Variants in SCAPER observed in about 807,000 individuals in gnomAD.
SCAPER encodes S phase cyclin A-associated protein in the endoplasmic reticulum.
A neutral mutation model predicts 182.2 loss-of-function variants in SCAPER; 98 were observed. The ratio of observed to expected loss-of-function variants is 0.54; its 90% CI spans 0.46 to 0.64. The LOEUF is 0.64. SCAPER is among the 30% of genes least tolerant of loss of function. The pLI, the probability that SCAPER is intolerant of heterozygous loss-of-function variation, is 0.00. For synonymous variants in SCAPER, 605 were observed against 564.6 expected (o/e 1.07, Z -1.01); for missense variants, 1,432 against 1,690.0 (o/e 0.85, Z 2.68).
intron 23 of SCAPER, among the ~76,000 whole-genome samples, chr15:76,549,952 GACAA>G (rs1052213840): frequency 2.6e-5 from 4 of 152,016 alleles, no homozygotes; most frequent in Non-Finnish European, 2.9e-5. Flanking sequence ...AGCAAAATCA[GACAA>G]ACAGACATCA....
intron 23 of SCAPER, among the ~76,000 whole-genome samples, chr15:76,546,927 C>G (rs941393062): frequency 6.6e-6 from 1 of 152,176 alleles, no homozygotes; most frequent in Non-Finnish European, 1.5e-5. Context: ...ACAAACTTAT[C>G]CCCTTCCTTT....
In SCAPER at chr15:76,733,215, T is replaced by C; in HGVS notation, c.2022+14A>G. On this transcript the variant is annotated intron_variant, in intron 16 of 31. Coordinates refer to ENST00000563290, the MANE Select transcript of SCAPER (RefSeq NM_020843.4). ...AGGTGCTCAAGCAATGTTTGCTGAA[T>C]AAAAAAATCCTACCTGCACAGCTTC... The C allele has an allele frequency of 6.4e-7, 1 of 1,554,050 alleles. No individual in the cohort carries two copies. Among genetic ancestry groups the C allele is most frequent in the Non-Finnish European group, 8.7e-7 (1 of 1,148,232 alleles).
intron 28 of SCAPER, chr15:76,380,045 A>G (rs899516450): frequency 3.3e-5 from 5 of 152,196 alleles, no homozygotes; most frequent in African/African-American, 1.2e-4. Context: ...AACAAAAGAA[A>G]TCACTCCCTT....
intron 28 of SCAPER, among the ~76,000 whole-genome samples, chr15:76,378,470 T>G (rs969106218): frequency 2.6e-5 from 4 of 152,260 alleles, no homozygotes; most frequent in African/African-American, 9.6e-5. Flanking sequence ...TGACCATAAC[T>G]ATCACAAAAA....
chr15:76,412,496 A>G (rs186016806), intron 26 of SCAPER, among the ~76,000 whole-genome samples: 4 of 152,208 alleles, frequency 2.6e-5, no homozygotes, highest in Non-Finnish European at 5.9e-5. Context: ...AAACTGCTCT[A>G]AAAAATAGTG....
At chr15:76,472,169 C>T (rs535288650) in intron 24 of SCAPER, 19 of 455,946 alleles carry the variant, frequency 4.2e-5, no homozygotes, top group Admixed American at 1.4e-4. Context: ...CAGAAAGATC[C>T]GTAAGGTTGT....
chr15:76,359,291 G>GGACT (rs1418570236), intron 29 of SCAPER, among the ~76,000 whole-genome samples: 3 of 152,092 alleles, frequency 2.0e-5, no homozygotes, highest in Non-Finnish European at 4.4e-5. Flanking sequence ...TGTCTTGCTG[G>GGACT]GACTCATCAG....
In SCAPER at chr15:76,804,645, A is replaced by C. The variant is rs7163694; in HGVS notation, c.394-12T>G. On this transcript the variant is annotated splice_polypyrimidine_tract_variant and intron_variant, in intron 5 of 31. Transcript: ENST00000563290. Reference sequence around the variant, plus strand: ...ATCATTAGCACCTCCTAAAAGAAACAAAACAAAAAAAAATTAAATTCCAGT... The same window carrying C: ...ATCATTAGCACCTCCTAAAAGAAACCAAACAAAAAAAAATTAAATTCCAGT... 1.0e-3 allele frequency: 1,576 copies of C among 1,538,588 alleles called. 12 individuals are homozygous for C. In the African/African-American group the frequency reaches 0.02, roughly 19 times the overall value.
At chr15:76,836,536 CT>C (rs1445941804) in intron 5 of SCAPER, among the ~76,000 whole-genome samples, 2 of 152,266 alleles carry the variant, frequency 1.3e-5, no homozygotes, top group East Asian at 3.9e-4. Context: ...AACTGGACCA[CT>C]TCCTTTCACC....
Position 76,765,394 on chromosome 15 carries a change from C to T in SCAPER, c.1556G>A (p.Arg519Lys), listed in dbSNP as rs1302999273. ...CATGTGAATTCCATGCCCTGGAGGT[C>T]TAGCAGGTTCTTCTTCTACAATGTC... ...WGDIVEEEPA[R>K]PPGHGIHMHE... is the part of the protein sequence containing the mutation. The change falls in exon 13 of 32, where the codon AGA becomes AAA. Residue 519 changes from arginine to lysine, a missense_variant. Transcript: ENST00000563290. 6.2e-7 allele frequency: 1 copy of T among 1,613,828 alleles called. No homozygotes were observed. The highest frequency in any genetic ancestry group is 2.2e-5 in the East Asian group (1 of 44,882).
At chr15:76,757,569 T>C (rs776752405) in intron 14 of SCAPER, among the ~76,000 whole-genome samples, 26 of 152,106 alleles carry the variant, frequency 1.7e-4, no homozygotes, top group Non-Finnish European at 3.4e-4. Flanking sequence ...ACAGTGAACA[T>C]GGGTGCACAG....
chr15:76,361,573 GAC>G (rs1397206507), intron 29 of SCAPER, among the ~76,000 whole-genome samples: 3 of 152,224 alleles, frequency 2.0e-5, no homozygotes, highest in African/African-American at 7.2e-5. Context: ...AATTAGAAAA[GAC>G]ACTGCTGGTT....
chr15:76,845,657 A>G (rs1286786796), intron 4 of SCAPER, among the ~76,000 whole-genome samples: 1 of 152,122 alleles, frequency 6.6e-6, no homozygotes, highest in Non-Finnish European at 1.5e-5. Flanking sequence ...GAAGTGAAAC[A>G]TCTCTACAAT....
chr15:76,431,120 T>C (rs1192112691), intron 26 of SCAPER, among the ~76,000 whole-genome samples: 4 of 152,212 alleles, frequency 2.6e-5, no homozygotes, highest in Non-Finnish European at 5.9e-5. Flanking sequence ...TCCCCAGCCA[T>C]GTGGAACCCT....
intron 23 of SCAPER, among the ~76,000 whole-genome samples, chr15:76,571,587 A>G (rs1874944): frequency 0.38 from 58,092 of 152,026 alleles, 13,099 homozygotes; most frequent in Middle Eastern, 0.52. Context: ...TTATCTAAAG[A>G]AACAGTGTGT....
At chr15:76,895,759 G>A (rs369680309) in intron 1 of SCAPER, among the ~76,000 whole-genome samples, 21 of 152,000 alleles carry the variant, frequency 1.4e-4, no homozygotes, top group East Asian at 5.8e-4. Flanking sequence ...AAACAATCCC[G>A]GCCAGGTGCA....
chr15:76,606,836 A>C (rs1184241293), intron 22 of SCAPER, among the ~76,000 whole-genome samples: 8 of 152,078 alleles, frequency 5.3e-5, no homozygotes, highest in African/African-American at 1.9e-4. Flanking sequence ...CTAGGATTGC[A>C]ACTCCTGCCT....
chr15:76,793,667 C>T (rs2065141268), intron 8 of SCAPER, among the ~76,000 whole-genome samples: 1 of 152,224 alleles, frequency 6.6e-6, no homozygotes, highest in Non-Finnish European at 1.5e-5. Context: ...CTAGGCATCT[C>T]TTCATCTGTA....
Position 76,838,925 on chromosome 15 carries a change from C to T in SCAPER, c.393+2809G>A, listed in dbSNP as rs985463408. On this transcript the variant is annotated intron_variant, in intron 5 of 31. Coordinates refer to ENST00000563290, the MANE Select transcript of SCAPER (RefSeq NM_020843.4). ...TTTGTGAGAACAAATGAGGAGATGG[C>T]CACCACTTCATTAAGCACACTCCAA... Among the ~76,000 whole-genome samples the T allele has an allele frequency of 1.4e-4, 22 of 152,164 alleles. 1 individual carries two copies. The highest frequency in any genetic ancestry group is 4.1e-4 in the South Asian group (2 of 4,824).
Sources: gnomAD v4.1 joint callset for allele counts (sites outside exome capture counted in the v4.1 genomes callset) on GRCh38, gnomAD v4.1.1 for gene constraint, MANE v1.5 for transcripts, NCBI Gene and HGNC (gene_info 2026-07-23, HGNC 2026-07-21) for gene names.